The following PPP4R2 variants were observed in gnomAD, a reference collection of about 807,000 sequenced individuals.
The protein encoded by PPP4R2 is protein phosphatase 4 regulatory subunit 2, also known as serine/threonine-protein phosphatase 4 regulatory subunit 2.
PPP4R2 carries 13 observed loss-of-function variants against 47.2 expected under a neutral mutation model. The ratio of observed to expected loss-of-function variants is 0.28; its 90% confidence interval spans 0.18 to 0.44. PPP4R2 has a LOEUF of 0.44. PPP4R2 is among the 20% of genes least tolerant of loss of function. PPP4R2 has a pLI of 1.00. For synonymous variants in PPP4R2, 151 were observed against 163.3 expected (o/e 0.92, Z 0.57); for missense variants, 421 against 491.2 (o/e 0.86, Z 1.35).
intron 2 of PPP4R2, among the ~76,000 whole-genome samples, chr3:73,009,410 T>TA (rs1701678241): frequency 6.6e-6 from 1 of 152,216 alleles, no homozygotes; most frequent in Non-Finnish European, 1.5e-5. Flanking sequence ...TCACCACTAC[T>TA]ACTAAACTCT....
chr3:73,006,748 T>TAG (rs1701618290), intron 2 of PPP4R2, among the ~76,000 whole-genome samples: 1 of 152,210 alleles, frequency 6.6e-6, no homozygotes, highest in Admixed American at 6.5e-5. Flanking sequence ...TATTCACTCA[T>TAG]TGCTAGAGTT....
intron 3 of PPP4R2, among the ~76,000 whole-genome samples, chr3:73,058,728 G>C (rs569867512): frequency 1.3e-5 from 2 of 151,580 alleles, no homozygotes; most frequent in African/African-American, 2.4e-5. Context: ...AACCTGTTGT[G>C]CTATCAAATA....
At chr3:73,060,979 T>C in intron 4 of PPP4R2, 44 bp from the exon 5 acceptor site, 2 of 1,384,998 alleles carry the variant, frequency 1.4e-6, no homozygotes, top group Non-Finnish European at 2.0e-6. Flanking sequence ...CTTTATGTTG[T>C]AGTACTTTTC....
intron 3 of PPP4R2, among the ~76,000 whole-genome samples, chr3:73,047,588 C>T (rs759044038): frequency 1.3e-5 from 2 of 152,174 alleles, no homozygotes; most frequent in Non-Finnish European, 2.9e-5. Flanking sequence ...AGTCATTTAT[C>T]AGGAAACATT....
intron 2 of PPP4R2, among the ~76,000 whole-genome samples, chr3:73,033,191 T>A (rs973123876): frequency 2.6e-5 from 4 of 152,202 alleles, no homozygotes; most frequent in African/African-American, 9.6e-5. Flanking sequence ...TGTCTGAAAA[T>A]GTGTTTATTC....
chr3:73,047,657 A>G (rs1051119228), intron 3 of PPP4R2, among the ~76,000 whole-genome samples: 3 of 152,164 alleles, frequency 2.0e-5, no homozygotes, highest in African/African-American at 7.2e-5. Flanking sequence ...TTTATATAGA[A>G]CCTTTATATC....
chr3:73,005,919 A>G (rs963303211), intron 2 of PPP4R2, among the ~76,000 whole-genome samples: 1 of 151,928 alleles, frequency 6.6e-6, no homozygotes, highest in African/African-American at 2.4e-5. Context: ...CTAAGTTTTC[A>G]TATCTACACT....
At chr3:73,033,807 G>A (rs960521276) in intron 2 of PPP4R2, among the ~76,000 whole-genome samples, 2 of 152,166 alleles carry the variant, frequency 1.3e-5, no homozygotes, top group South Asian at 4.1e-4. Flanking sequence ...TTTACTTCAC[G>A]TAATGCTTTC....
rs770560274 is a variant in PPP4R2 at position 73,062,907 on chromosome 3, A to G, written c.420-766A>G. The G allele has an allele frequency of 2.8e-5, 45 of 1,606,748 alleles. No individual in the cohort carries two copies. The Admixed American group carries it at 3.4e-4, about 12-fold the overall frequency. ...GCTACGCAAGTCAAGTTAGTTGCCA[A>G]GAAAGCACAGATGACAACCTATTAA... On this transcript the variant is annotated intron_variant, in intron 5 of 8. Coordinates refer to ENST00000356692, the MANE Select transcript of PPP4R2 (RefSeq NM_174907.4).
At chr3:73,044,238 G>C (rs1207691241) in intron 2 of PPP4R2, among the ~76,000 whole-genome samples, 1 of 151,928 alleles carries the variant, frequency 6.6e-6, no homozygotes, top group Non-Finnish European at 1.5e-5. Context: ...TGTTGTTGTT[G>C]TTGTTTTTGG....
At chr3:72,998,361 A>T (rs1701393880) in intron 2 of PPP4R2, among the ~76,000 whole-genome samples, 1 of 152,222 alleles carries the variant, frequency 6.6e-6, no homozygotes, top group Admixed American at 6.5e-5. Context: ...GGATTTTAAA[A>T]ACCTGTGTAT....
At chr3:73,015,005 TA>T in intron 2 of PPP4R2, 1 of 673,156 alleles carries the variant, frequency 1.5e-6, no homozygotes, top group Non-Finnish European at 2.7e-6. Flanking sequence ...CACCCAGTCG[TA>T]ATTTTTTTTC....
chr3:73,061,953 A>C (rs965530747), intron 5 of PPP4R2: 14 of 638,192 alleles, frequency 2.2e-5, no homozygotes, highest in Non-Finnish European at 3.5e-5. Context: ...TCTTGACAGA[A>C]AAACTATTAA....
intron 2 of PPP4R2, chr3:73,016,226 A>G (rs7620924): frequency 0.53 from 80,202 of 151,896 alleles, 21,558 homozygotes; most frequent in African/African-American, 0.62. Flanking sequence ...GAGATGTGGG[A>G]GTTTTTTTTC....
Position 73,068,640 on chromosome 3 carries a change from G to T in PPP4R2, c.*2918G>T, listed in dbSNP as rs546614810. ...CATCCCAGAAATCCTCGGCCAGAAG[G>T]TGTGGCTTGTTAAAGCATTGAGATT... On this transcript the variant is annotated 3_prime_UTR_variant, in exon 9 of 9. Coordinates refer to ENST00000356692, the MANE Select transcript of PPP4R2 (RefSeq NM_174907.4). The T allele has an allele frequency of 6.6e-6, 1 of 152,226 alleles. No homozygotes were observed. Among genetic ancestry groups the T allele is most frequent in the Non-Finnish European group, 1.5e-5 (1 of 68,040 alleles). The allele number at this position is 152,226 out of a possible 1,614,324, so 9.4% of individuals were successfully genotyped here.
intron 4 of PPP4R2, among the ~76,000 whole-genome samples, chr3:73,059,936 GA>G (rs11300271): frequency 0.59 from 69,495 of 118,142 alleles, 17,584 homozygotes; most frequent in African/African-American, 0.66. Flanking sequence ...CTCTGTCTCA[GA>G]AAAAAAAAAA....
intron 3 of PPP4R2, among the ~76,000 whole-genome samples, chr3:73,054,056 A>G (rs1702677636): frequency 6.6e-6 from 1 of 152,140 alleles, no homozygotes; most frequent in South Asian, 2.1e-4. Context: ...AGCTGGGATT[A>G]CAGGCATGCA....
chr3:73,008,346 G>A (rs1183919630), intron 2 of PPP4R2, among the ~76,000 whole-genome samples: 1 of 152,122 alleles, frequency 6.6e-6, no homozygotes, highest in East Asian at 1.9e-4. Flanking sequence ...TAAAATTATA[G>A]TTTTCTTTTT....
chr3:73,018,972 G>T (rs994005379), intron 2 of PPP4R2, among the ~76,000 whole-genome samples: 1 of 152,038 alleles, frequency 6.6e-6, no homozygotes, highest in Non-Finnish European at 1.5e-5. Context: ...CTGAACTTAT[G>T]TTACTCAGAA....
Sources: gnomAD v4.1 joint callset for allele counts (sites outside exome capture counted in the v4.1 genomes callset) on GRCh38, gnomAD v4.1.1 for gene constraint, MANE v1.5 for transcripts, NCBI Gene and HGNC (gene_info 2026-07-23, HGNC 2026-07-21) for gene names.